Variants in ST7 observed in about 807,000 individuals in gnomAD.
The protein encoded by ST7 is suppression of tumorigenicity 7, also known as suppressor of tumorigenicity 7 protein.
In ST7, 28 loss-of-function variants were observed where a neutral mutation model predicts 78.7. The observed-to-expected ratio is 0.36, with a 90% CI of 0.26 to 0.49. The LOEUF is 0.49. Among genes scored for constraint, ST7 ranks in the 20% least tolerant of loss-of-function variants. ST7 has a pLI of 0.99. For synonymous variants in ST7, 247 were observed against 249.6 expected (o/e 0.99, Z 0.10); for missense variants, 418 against 696.0 (o/e 0.60, Z 4.49).
rs1808707073 is a variant in ST7 at position 117,180,911 on chromosome 7, C to G, written c.1079-8410C>G. Reference sequence around the variant, plus strand: ...AAGTGATCCTCTTGCCTTGGCCTCCCAAAGTGCTGGGATTACAGGTGTGAG... The same window carrying G: ...AAGTGATCCTCTTGCCTTGGCCTCCGAAAGTGCTGGGATTACAGGTGTGAG... On this transcript the variant is annotated intron_variant, in intron 10 of 15. Transcript: ENST00000323984. 3.3e-5 allele frequency among the ~76,000 whole-genome samples: 5 copies of G among 152,176 alleles called. No individual in the cohort carries two copies. In the South Asian group the frequency reaches 1.0e-3, roughly 31 times the overall value.
At chr7:117,038,285 A>G (rs1193280224) in intron 1 of ST7, among the ~76,000 whole-genome samples, 3 of 152,178 alleles carry the variant, frequency 2.0e-5, no homozygotes, top group African/African-American at 7.2e-5. Context: ...TCTGTTGGGT[A>G]TTGATTAACA....
chr7:117,082,591 G>A (rs565442188), intron 1 of ST7, among the ~76,000 whole-genome samples: 11 of 152,292 alleles, frequency 7.2e-5, no homozygotes, highest in Non-Finnish European at 1.0e-4. Flanking sequence ...CTTCTTAAGC[G>A]GGGCTCATAA....
At chr7:117,200,744 G>A (rs1215888904) in intron 12 of ST7, among the ~76,000 whole-genome samples, 1 of 151,846 alleles carries the variant, frequency 6.6e-6, no homozygotes, top group African/African-American at 2.4e-5. Context: ...TGGGAGTGCG[G>A]GAAGTCAAGA....
rs1166085264 is a variant in ST7 at position 117,020,540 on chromosome 7, G to T, written c.151+66849G>T. 12 of 1,538,824 alleles carry T rather than the reference G, an allele frequency of 7.8e-6. No homozygotes were observed. The Admixed American group carries it at 2.0e-4, about 26-fold the overall frequency. On this transcript the variant is annotated intron_variant, in intron 1 of 15. Coordinates refer to ENST00000323984, the MANE Select transcript of ST7 (RefSeq NM_001369598.1). Reference sequence around the variant, plus strand: ...TCACTCTCACATGTACACTCTCCTCGCTTTTCTTTCTTTTTTTTTTCCCTT... The same window carrying T: ...TCACTCTCACATGTACACTCTCCTCTCTTTTCTTTCTTTTTTTTTTCCCTT...
chr7:117,043,430 G>A (rs542509651), intron 1 of ST7, among the ~76,000 whole-genome samples: 1 of 152,288 alleles, frequency 6.6e-6, no homozygotes, highest in South Asian at 2.1e-4. Context: ...AGAATATTCT[G>A]TCTGCTATTT....
intron 9 of ST7, among the ~76,000 whole-genome samples, chr7:117,169,806 T>C (rs79310471): frequency 2.2e-5 from 3 of 133,564 alleles, no homozygotes; most frequent in Admixed American, 1.5e-4. Context: ...TAGCAATCCT[T>C]TTTTTTTTTT....
At chr7:117,161,236 T>C (rs1227886984) in intron 9 of ST7, among the ~76,000 whole-genome samples, 1 of 152,166 alleles carries the variant, frequency 6.6e-6, no homozygotes, top group African/African-American at 2.4e-5. Flanking sequence ...TTCAACTCTT[T>C]ATGACTTGAA....
chr7:117,006,355 A>G (rs182017909), intron 1 of ST7, among the ~76,000 whole-genome samples: 20 of 152,294 alleles, frequency 1.3e-4, no homozygotes, highest in East Asian at 1.2e-3. Flanking sequence ...ATGACTACCT[A>G]TTCTGAATGG....
In ST7 at chr7:117,161,591, C is replaced by CTTTTTTT. The variant is rs60505994; in HGVS notation, c.964-9257_964-9251dup. Among the ~76,000 whole-genome samples, 194 of 113,512 alleles carry CTTTTTTT rather than the reference C, an allele frequency of 1.7e-3. 1 individual carries two copies. Among genetic ancestry groups the CTTTTTTT allele is most frequent in the Non-Finnish European group, 2.2e-3 (130 of 58,698 alleles). The allele number at this position is 113,512 out of a possible 152,430, so 74.5% of individuals were successfully genotyped here. On this transcript the variant is annotated intron_variant, in intron 9 of 15. Coordinates refer to ENST00000323984, the MANE Select transcript of ST7 (RefSeq NM_001369598.1). ...TTTTTTCAGTTTGTTTTCTTTCTTT[C>CTTTTTTT]TTTTTTTTTTTTTTTTTTTTCTTTC...
chr7:117,084,176 T>C (rs1409926260), intron 1 of ST7, among the ~76,000 whole-genome samples: 2 of 152,232 alleles, frequency 1.3e-5, no homozygotes, highest in Non-Finnish European at 2.9e-5. Context: ...TATTAGTTTC[T>C]TCATCTGTTT....
rs183818384 is a variant in ST7 at position 117,061,767 on chromosome 7, C to G, written c.152-37995C>G. Among the ~76,000 whole-genome samples the G allele has an allele frequency of 1.4e-4, 21 of 152,122 alleles. No individual in the cohort carries two copies. The East Asian group carries it at 2.7e-3, about 20-fold the overall frequency. On this transcript the variant is annotated intron_variant, in intron 1 of 15. Transcript: ENST00000323984. ...AGGAAATGTGTAGCCATTACTGTGCCAGAAAAAGAAAAGGAACAATATTTA... is the reference window on the plus strand; with the variant it reads ...AGGAAATGTGTAGCCATTACTGTGCGAGAAAAAGAAAAGGAACAATATTTA...
At chr7:117,215,471 C>T (rs1584624207) in intron 13 of ST7, among the ~76,000 whole-genome samples, 1 of 152,160 alleles carries the variant, frequency 6.6e-6, no homozygotes, top group South Asian at 2.1e-4. Flanking sequence ...AGAAACCCAA[C>T]CTTTACTGAG....
chr7:117,157,296 A>G (rs911907810), intron 9 of ST7, among the ~76,000 whole-genome samples: 2 of 152,190 alleles, frequency 1.3e-5, no homozygotes, highest in African/African-American at 4.8e-5. Context: ...GGGGTAACTC[A>G]ACAGCTGCAA....
At chr7:116,987,160 ACTCT>A (rs1673273219) in intron 1 of ST7, among the ~76,000 whole-genome samples, 1 of 151,940 alleles carries the variant, frequency 6.6e-6, no homozygotes. Context: ...TTATTTGAAG[ACTCT>A]CTCTTCTTCA....
intron 3 of ST7, among the ~76,000 whole-genome samples, chr7:117,125,315 T>C (rs908103508): frequency 2.6e-5 from 4 of 152,240 alleles, no homozygotes; most frequent in South Asian, 2.1e-4. Flanking sequence ...CAGATGCTGT[T>C]ACAGATTTAA....
At chr7:117,149,879 C>T (rs1009921314) in intron 9 of ST7, among the ~76,000 whole-genome samples, 4 of 152,040 alleles carry the variant, frequency 2.6e-5, no homozygotes, top group Non-Finnish European at 4.4e-5. Flanking sequence ...TGTGGTTGCC[C>T]GGGCAACTGG....
intron 1 of ST7, among the ~76,000 whole-genome samples, chr7:117,087,606 ATTTATC>A (rs1339627159): frequency 6.6e-6 from 1 of 152,208 alleles, no homozygotes; most frequent in African/African-American, 2.4e-5. Flanking sequence ...ATTCAATGCC[ATTTATC>A]TTTAACTTAA....
At chr7:117,141,521 C>G (rs925698315) in intron 9 of ST7, among the ~76,000 whole-genome samples, 6 of 152,054 alleles carry the variant, frequency 3.9e-5, no homozygotes, top group African/African-American at 1.4e-4. Context: ...TTTTGAATTC[C>G]CAGGATGTTT....
chr7:117,113,926 C>T (rs1402428416), intron 2 of ST7, among the ~76,000 whole-genome samples: 1 of 152,110 alleles, frequency 6.6e-6, no homozygotes, highest in Non-Finnish European at 1.5e-5. Context: ...CCCTTTTAGG[C>T]CATAGTAGTT....
Sources: allele counts gnomAD v4.1 joint callset (sites outside exome capture counted in the v4.1 genomes callset), GRCh38; gene constraint gnomAD v4.1.1; transcripts MANE v1.5; gene names NCBI Gene and HGNC (gene_info 2026-07-23, HGNC 2026-07-21).